The following EDN1 variants were observed in gnomAD, a reference collection of about 807,000 sequenced individuals.
EDN1 encodes endothelin-1.
Under a neutral mutation model 21.7 loss-of-function variants are expected in EDN1, and 11 were observed. The ratio of observed to expected loss-of-function variants is 0.51; its 90% CI spans 0.32 to 0.84. EDN1 has a LOEUF of 0.84. EDN1 is among the 40% of genes least tolerant of loss of function. EDN1 has a pLI of 0.03. For missense variants in EDN1, 244 were observed against 262.3 expected (o/e 0.93, Z 0.48); for synonymous variants, 85 against 90.6 (o/e 0.94, Z 0.35).
At chr6:12,278,987 T>C in the EDN1 span, among the ~76,000 whole-genome samples, 1 of 152,202 alleles carries the variant, frequency 6.6e-6, no homozygotes, top group Non-Finnish European at 1.5e-5. Flanking sequence ...GAAAGAATAC[T>C]ACCTTCTTTC....
the EDN1 span, among the ~76,000 whole-genome samples, chr6:12,235,936 C>T: frequency 6.6e-6 from 1 of 152,308 alleles, no homozygotes; most frequent in African/African-American, 2.4e-5. Flanking sequence ...CTCTGAGACA[C>T]AAAGCGTACA....
chr6:12,277,984 C>A, the EDN1 span, among the ~76,000 whole-genome samples: 1 of 152,176 alleles, frequency 6.6e-6, no homozygotes, highest in Non-Finnish European at 1.5e-5. Flanking sequence ...ATGAAGAATG[C>A]AGGAGTGGGA....
chr6:12,271,480 A>G, the EDN1 span, among the ~76,000 whole-genome samples: 1 of 152,156 alleles, frequency 6.6e-6, no homozygotes. Flanking sequence ...CCCTTCTAAA[A>G]TTTTTAATTT....
At chr6:12,279,949 A>C in the EDN1 span, among the ~76,000 whole-genome samples, 1 of 152,208 alleles carries the variant, frequency 6.6e-6, no homozygotes, top group South Asian at 2.1e-4. Context: ...GTATAACTAT[A>C]AGCAATCAAA....
the EDN1 span, among the ~76,000 whole-genome samples, chr6:12,270,479 C>A: frequency 6.6e-6 from 1 of 151,920 alleles, no homozygotes. Context: ...ATTGTATTTC[C>A]ATTTTCATTT....
intron 4 of EDN1, among the ~76,000 whole-genome samples, chr6:12,294,930 T>TC (rs1762785299): frequency 6.7e-6 from 1 of 148,274 alleles, no homozygotes; most frequent in African/African-American, 2.5e-5. Context: ...CTTTTTTTTT[T>TC]TTTTTTTTTT....
the EDN1 span, among the ~76,000 whole-genome samples, chr6:12,267,068 A>G: frequency 2.0e-5 from 3 of 152,238 alleles, no homozygotes; most frequent in Non-Finnish European, 2.9e-5. Context: ...ACATGCAGGT[A>G]TACCTCATTT....
chr6:12,262,281 C>T, the EDN1 span, among the ~76,000 whole-genome samples: 35,733 of 152,076 alleles, frequency 0.23, 4,861 homozygotes, highest in East Asian at 0.57. Context: ...TGGGGTACAC[C>T]AACAAAAGAC....
At chr6:12,235,630 C>A in the EDN1 span, among the ~76,000 whole-genome samples, 1 of 152,264 alleles carries the variant, frequency 6.6e-6, no homozygotes, top group East Asian at 1.9e-4. Flanking sequence ...TACTTGAGAT[C>A]GCTATTGGTT....
At chr6:12,245,341 C>T in the EDN1 span, among the ~76,000 whole-genome samples, 3 of 152,320 alleles carry the variant, frequency 2.0e-5, no homozygotes, top group Non-Finnish European at 2.9e-5. Flanking sequence ...GGTAGCTCTC[C>T]TGATGAATAT....
At chr6:12,242,550 C>T in the EDN1 span, among the ~76,000 whole-genome samples, 1 of 152,176 alleles carries the variant, frequency 6.6e-6, no homozygotes, top group Non-Finnish European at 1.5e-5. Flanking sequence ...GTGAGTGGCA[C>T]ATGCAAATGT....
the EDN1 span, among the ~76,000 whole-genome samples, chr6:12,279,124 A>G: frequency 6.6e-6 from 1 of 152,170 alleles, no homozygotes; most frequent in Non-Finnish European, 1.5e-5. Context: ...CCTGAGCATA[A>G]CTTGTCAATT....
chr6:12,253,434 T>C, the EDN1 span, among the ~76,000 whole-genome samples: 1 of 151,980 alleles, frequency 6.6e-6, no homozygotes, highest in African/African-American at 2.4e-5. Flanking sequence ...ATAAACAAGA[T>C]ACAAAAAATG....
intron 2 of EDN1, 41 bp from the exon 3 acceptor site, chr6:12,293,900 T>C: frequency 6.2e-7 from 1 of 1,609,648 alleles, no homozygotes; most frequent in Non-Finnish European, 8.5e-7. Context: ...TAAAGACTAT[T>C]AATTACACTA....
At chr6:12,262,305 T>A in the EDN1 span, among the ~76,000 whole-genome samples, 1 of 152,176 alleles carries the variant, frequency 6.6e-6, no homozygotes, top group Non-Finnish European at 1.5e-5. Context: ...AAATGCAGTA[T>A]TAGCTCAAGA....
chr6:12,247,477 A>G, the EDN1 span, among the ~76,000 whole-genome samples: 1 of 152,070 alleles, frequency 6.6e-6, no homozygotes, highest in Non-Finnish European at 1.5e-5. Flanking sequence ...TGGCAAAGGA[A>G]AGACATTTAG....
At chr6:12,276,761 G>A in the EDN1 span, among the ~76,000 whole-genome samples, 1 of 152,218 alleles carries the variant, frequency 6.6e-6, no homozygotes, top group Admixed American at 6.5e-5. Context: ...GGCAGAGCTG[G>A]ACAAGTTCAA....
chr6:12,236,441 G>A, the EDN1 span, among the ~76,000 whole-genome samples: 1 of 152,016 alleles, frequency 6.6e-6, no homozygotes, highest in Non-Finnish European at 1.5e-5. Context: ...TGTATTTTTA[G>A]TAGAGATGGG....
chr6:12,238,546 G>A, the EDN1 span, among the ~76,000 whole-genome samples: 2 of 152,202 alleles, frequency 1.3e-5, no homozygotes, highest in Admixed American at 6.5e-5. Flanking sequence ...GTATGGAGGC[G>A]GAGGGGAAGC....
Sources: allele counts gnomAD v4.1 joint callset (sites outside exome capture counted in the v4.1 genomes callset), GRCh38; gene constraint gnomAD v4.1.1; transcripts MANE v1.5; gene names NCBI Gene and HGNC (gene_info 2026-07-23, HGNC 2026-07-21).